DIS3L2: variants seen among roughly 807,000 people sequenced by gnomAD.
The protein encoded by DIS3L2 is DIS3-like exonuclease 2.
Under a neutral mutation model 97.5 loss-of-function variants are expected in DIS3L2, and 34 were observed. That is an observed-to-expected ratio of 0.35 (90% CI 0.27 to 0.46). The LOEUF (loss-of-function observed/expected upper bound fraction) is 0.46. Among genes scored for constraint, DIS3L2 ranks in the 20% least tolerant of loss-of-function variants. DIS3L2 has a pLI of 1.00. For synonymous variants in DIS3L2, 435 were observed against 445.2 expected (o/e 0.98, Z 0.29); for missense variants, 1,038 against 1,146.0 (o/e 0.91, Z 1.36).
intron 9 of DIS3L2, chr2:232,172,836 A>T: frequency 2.0e-6 from 1 of 511,166 alleles, no homozygotes; most frequent in South Asian, 1.5e-5. Context: ...GTAGTATCTC[A>T]TTGTGGTTTT....
intron 10 of DIS3L2, among the ~76,000 whole-genome samples, chr2:232,231,067 CTGTTT>C (rs1692779569): frequency 6.6e-6 from 1 of 152,174 alleles, no homozygotes; most frequent in Non-Finnish European, 1.5e-5. Context: ...CAGACATTCG[CTGTTT>C]TATTTTCTCC....
At chr2:231,993,357 G>A (rs1052915293) in intron 1 of DIS3L2, among the ~76,000 whole-genome samples, 15 of 152,164 alleles carry the variant, frequency 9.9e-5, no homozygotes, top group Non-Finnish European at 1.9e-4. Context: ...GGGACTGCAG[G>A]TGTGAGCCAC....
chr2:231,983,274 G>A (rs1693312658), intron 1 of DIS3L2, among the ~76,000 whole-genome samples: 1 of 152,210 alleles, frequency 6.6e-6, no homozygotes, highest in African/African-American at 2.4e-5. Flanking sequence ...TTATCTCACA[G>A]CTATGAAGGA....
intron 9 of DIS3L2, among the ~76,000 whole-genome samples, chr2:232,168,583 C>A (rs764042351): frequency 5.9e-5 from 9 of 152,008 alleles, no homozygotes; most frequent in Non-Finnish European, 1.2e-4. Context: ...TGAGTAAAGA[C>A]CCATTATTTG....
intron 5 of DIS3L2, among the ~76,000 whole-genome samples, chr2:232,052,041 T>G (rs1294449938): frequency 1.3e-5 from 2 of 151,616 alleles, no homozygotes; most frequent in Non-Finnish European, 2.9e-5. Flanking sequence ...TTTTTTTTTT[T>G]GAGATGGAGT....
chr2:232,243,856 A>C (rs1189317164), intron 11 of DIS3L2, among the ~76,000 whole-genome samples: 2 of 152,198 alleles, frequency 1.3e-5, no homozygotes, highest in African/African-American at 4.8e-5. Flanking sequence ...CTGTGACCTT[A>C]GCCACTGAAC....
At position 232,110,051 on chromosome 2, in the gene DIS3L2, C is replaced by T. The variant is rs187782667; in HGVS notation, c.602-20568C>T. On this transcript the variant is annotated intron_variant, in intron 6 of 20. Coordinates refer to ENST00000325385, the MANE Select transcript of DIS3L2 (RefSeq NM_152383.5). ...TTAAAAAGTAGGCAAAGGACGTGAA[C>T]AGACCCTTCTCAAAAGAAGACATGC... 2.1e-3 allele frequency among the ~76,000 whole-genome samples: 321 copies of T among 152,222 alleles called. 2 individuals carry two copies. The highest frequency in any genetic ancestry group is 7.3e-3 in the African/African-American group (304 of 41,530).
chr2:232,342,166 CAT>C (rs1185217668), downstream of DIS3L2, among the ~76,000 whole-genome samples: 5 of 151,810 alleles, frequency 3.3e-5, no homozygotes, highest in East Asian at 1.9e-4. Context: ...TACATATACA[CAT>C]ACACATATAT....
intron 9 of DIS3L2, among the ~76,000 whole-genome samples, chr2:232,186,845 G>A (rs1015609209): frequency 5.3e-5 from 8 of 152,156 alleles, no homozygotes; most frequent in African/African-American, 1.7e-4. Flanking sequence ...GAATGTAAGG[G>A]CTAAAACTAG....
chr2:232,012,634 T>C (rs1694239009), intron 1 of DIS3L2, among the ~76,000 whole-genome samples: 1 of 152,204 alleles, frequency 6.6e-6, no homozygotes, highest in Admixed American at 6.5e-5. Context: ...TCTCTTTTTT[T>C]TCTTAATGCC....
intron 6 of DIS3L2, among the ~76,000 whole-genome samples, chr2:232,098,688 TATTA>T (rs1430797506): frequency 6.6e-6 from 1 of 152,182 alleles, no homozygotes; most frequent in East Asian, 1.9e-4. Context: ...GATTAAGTTC[TATTA>T]ATTGCTTTTT....
At chr2:231,964,677 TC>T (rs1270926236) in intron 1 of DIS3L2, among the ~76,000 whole-genome samples, 1 of 152,236 alleles carries the variant, frequency 6.6e-6, no homozygotes, top group Non-Finnish European at 1.5e-5. Flanking sequence ...ATATCAAAAT[TC>T]ATTTAAAACT....
chr2:232,111,378 C>A, intron 6 of DIS3L2: 1 of 410,372 alleles, frequency 2.4e-6, no homozygotes. Flanking sequence ...TCCCTTTTCC[C>A]TTTCTCATAT....
intron 5 of DIS3L2, among the ~76,000 whole-genome samples, chr2:232,065,254 A>G (rs1657045959): frequency 6.6e-6 from 1 of 151,752 alleles, no homozygotes; most frequent in East Asian, 1.9e-4. Context: ...AGCAGCTCCC[A>G]TTTCTTTTTC....
At chr2:232,160,176 A>G (rs1366800038) in intron 8 of DIS3L2, among the ~76,000 whole-genome samples, 1 of 152,190 alleles carries the variant, frequency 6.6e-6, no homozygotes, top group Non-Finnish European at 1.5e-5. Flanking sequence ...AGAAGAGTTT[A>G]TGTAGAATTG....
At chr2:232,270,205 G>A (rs1308435812) in intron 13 of DIS3L2, among the ~76,000 whole-genome samples, 3 of 152,104 alleles carry the variant, frequency 2.0e-5, no homozygotes, top group African/African-American at 7.2e-5. Context: ...CTTTAGGAAG[G>A]AAGCTTTATC....
intron 13 of DIS3L2, among the ~76,000 whole-genome samples, chr2:232,297,813 G>A (rs1004960495): frequency 4.7e-5 from 7 of 150,436 alleles, no homozygotes; most frequent in Admixed American, 1.3e-4. Flanking sequence ...AACGATTCTC[G>A]TGTCTCAGCC....
At chr2:232,176,905 C>G (rs1414250579) in intron 9 of DIS3L2, among the ~76,000 whole-genome samples, 1 of 148,454 alleles carries the variant, frequency 6.7e-6, no homozygotes, top group Non-Finnish European at 1.5e-5. Context: ...GCTGCACCCA[C>G]TAACTCGTCA....
At chr2:232,176,778 T>C (rs1691172346) in intron 9 of DIS3L2, among the ~76,000 whole-genome samples, 1 of 149,464 alleles carries the variant, frequency 6.7e-6, no homozygotes, top group Non-Finnish European at 1.5e-5. Flanking sequence ...TTTTAATTAA[T>C]TAATTAATTA....
Sources: allele counts gnomAD v4.1 joint callset (sites outside exome capture counted in the v4.1 genomes callset), GRCh38; gene constraint gnomAD v4.1.1; transcripts MANE v1.5; gene names NCBI Gene and HGNC (gene_info 2026-07-23, HGNC 2026-07-21).